The following NOL3 variants were observed in gnomAD, a reference collection of about 807,000 sequenced individuals.
NOL3 encodes nucleolar protein 3.
In NOL3, 18 loss-of-function variants were observed where a neutral mutation model predicts 19.2. The ratio of observed to expected loss-of-function variants is 0.94; its 90% CI spans 0.65 to 1.39. NOL3 has a LOEUF of 1.39. Among genes scored for constraint, NOL3 ranks in the 40% most tolerant of loss-of-function variants. NOL3 has a pLI of 0.00. For synonymous variants in NOL3, 127 were observed against 137.3 expected (o/e 0.93, Z 0.52); for missense variants, 290 against 289.5 (o/e 1.00, Z -0.01).
At position 67,174,521 on chromosome 16, in the gene NOL3, A is replaced by G. The variant is rs2032015831; in HGVS notation, c.295+57A>G. The G allele has an allele frequency of 6.8e-6, 10 of 1,466,784 alleles. No homozygotes were observed. In the South Asian group the frequency reaches 1.4e-4, roughly 21 times the overall value. 90.9% of individuals were successfully genotyped at this position (1,466,784 alleles called of 1,614,324 possible). A position where few individuals can be genotyped will look rare whatever the true frequency, so the allele number is the denominator to read the frequency against. On this transcript the variant is annotated intron_variant, in intron 2 of 3. Coordinates refer to ENST00000268605, the Ensembl canonical transcript of NOL3. ...CAGGGACGGGGCTGGGGCAGACAAA[A>G]GGCCCGGGGAGGGCAGGGTTGTCGT...
intron 1 of NOL3, chr16:67,173,840 C>G: frequency 1.3e-5 from 20 of 1,530,006 alleles, no homozygotes; most frequent in Non-Finnish European, 1.7e-5. Flanking sequence ...CTCAGGACGT[C>G]CTGGTTGGGG....
rs2031677249 is a variant in NOL3 at position 67,170,620 on chromosome 16, C to A, written c.-9+46C>A. 1 of 152,210 alleles carries A rather than the reference C, an allele frequency of 6.6e-6. No individual in the cohort carries two copies. The highest frequency in any genetic ancestry group is 1.5e-5 in the Non-Finnish European group (1 of 68,064). 9.4% of individuals were successfully genotyped at this position (152,210 alleles called of 1,614,324 possible). On this transcript the variant is annotated intron_variant, in intron 1 of 3. Transcript: ENST00000268605. This position sits in a 1 kb window ranked among gnomAD's most constrained non-coding sequence, Gnocchi z 5.7. The stretch of plus-strand genomic sequence containing the variant: ...CGGGCCAGACCGGGAGCCCCACTCC[C>A]GGCTGTGGGAGGGAAGGGAAACCGA...
At chr16:67,174,034 G>A (rs1188641598) in intron 1 of NOL3, 128 bp from the exon 2 acceptor site, 3 of 1,551,522 alleles carry the variant, frequency 1.9e-6, no homozygotes, top group East Asian at 4.9e-5. Context: ...GCCGTCCGGC[G>A]GCTGGGATCG....
chr16:67,174,718 A>G (rs748598316), exon 3 of NOL3: 8 of 1,610,852 alleles, frequency 5.0e-6, no homozygotes, highest in Non-Finnish European at 5.9e-6. Flanking sequence ...CCAGAGCTTC[A>G]GACCCTGACG....
At chr16:67,174,411 A>G in exon 2 of NOL3, 1 of 1,537,230 alleles carries the variant, frequency 6.5e-7, no homozygotes. Flanking sequence ...CGCTGTGCCC[A>G]GCGTACCGCG....
rs1344718467 is a variant in NOL3, at chr16:67,170,781, G to GC, written c.-9+207_-9+208insC. Among the ~76,000 whole-genome samples, 4 of 150,372 alleles carry GC rather than the reference G, an allele frequency of 2.7e-5. No individual in the cohort carries two copies. Among genetic ancestry groups the GC allele is most frequent in the African/African-American group, 1.0e-4 (4 of 39,724 alleles). ...CTGGGTGGAGGGAGGTAAGGGGCGG[G>GC]GGGGGAAAATCCGTGCAGTCGCACA... On this transcript the variant is annotated intron_variant, in intron 1 of 3. Transcript: ENST00000268605. The surrounding 1 kb of genome is among the most constrained non-coding windows in gnomAD (Gnocchi z 5.7).
exon 4 of NOL3, chr16:67,175,184 T>C (rs1567677930): frequency 1.3e-6 from 2 of 1,566,146 alleles, no homozygotes; most frequent in East Asian, 2.3e-5. Context: ...CTCCGGAGGG[T>C]CGGACGGGAC....
intron 1 of NOL3, 34 bp from the exon 2 acceptor site, chr16:67,174,128 C>A (rs772616245): frequency 6.2e-7 from 1 of 1,601,176 alleles, no homozygotes; most frequent in African/African-American, 1.3e-5. Flanking sequence ...GGGAGGGCAA[C>A]CCCCCATTAC....
intron 1 of NOL3, among the ~76,000 whole-genome samples, chr16:67,173,441 G>A (rs192716669): frequency 5.3e-4 from 80 of 152,298 alleles, no homozygotes; most frequent in African/African-American, 1.8e-3. Flanking sequence ...CTATGGTGGT[G>A]GTGTTGGTGG....
chr16:67,173,719 G>C, intron 1 of NOL3: 1 of 668,322 alleles, frequency 1.5e-6, no homozygotes, highest in East Asian at 2.7e-5. Context: ...TGGAGTATCA[G>C]CATCAATCCT....
chr16:67,174,774 C>G lies in NOL3; in HGVS notation c.449C>G (p.Pro150Arg), dbSNP rs528140604. 3.7e-6 allele frequency: 6 copies of G among 1,607,926 alleles called. 1 individual carries two copies. In the South Asian group the frequency reaches 6.6e-5, roughly 18 times the overall value. ...TCCGAGGCGGTGCAATCCGGGACCC[C>G]GGAGGAGCCAGAGCCAGAGCTGGAA... Residue 150 changes from proline (P) to arginine (R), a missense_variant, in exon 3 of 4, where the codon CCG becomes CGG. Physicochemically the swap from Pro to Arg is moderately radical, Grantham distance 103. Coordinates refer to ENST00000268605, the Ensembl canonical transcript of NOL3.
intron 1 of NOL3, 26 bp from the exon 2 acceptor site, chr16:67,174,136 T>C (rs761277456): frequency 5.0e-6 from 8 of 1,604,652 alleles, no homozygotes; most frequent in Non-Finnish European, 6.8e-6. Flanking sequence ...AACCCCCCAT[T>C]ACTTCTCTCC....
exon 3 of NOL3, chr16:67,174,727 C>T: frequency 6.2e-7 from 1 of 1,610,784 alleles, no homozygotes; most frequent in Admixed American, 1.7e-5. Context: ...CAGACCCTGA[C>T]GAGGCCGGGG....
At chr16:67,172,394 C>T (rs781656624) in intron 1 of NOL3, among the ~76,000 whole-genome samples, 1 of 151,912 alleles carries the variant, frequency 6.6e-6, no homozygotes, top group Non-Finnish European at 1.5e-5. Flanking sequence ...GGGTGGATCA[C>T]GAGGTCAGGA....
At chr16:67,171,684 A>T (rs1181360083) in intron 1 of NOL3, 1 of 152,186 alleles carries the variant, frequency 6.6e-6, no homozygotes, top group Non-Finnish European at 1.5e-5. Context: ...TTCCAGTTTT[A>T]CCACTGAATC....
intron 1 of NOL3, chr16:67,171,528 G>A (rs2031760105): frequency 6.6e-6 from 1 of 152,326 alleles, no homozygotes; most frequent in African/African-American, 2.4e-5. Flanking sequence ...GGTGGGAGGA[G>A]GCTAGAGTAG....
chr16:67,174,292 CG>C lies in NOL3; in HGVS notation c.126del (p.Pro43GlnfsTer181), dbSNP rs780285688. 4.0e-5 allele frequency: 65 copies of C among 1,610,754 alleles called. No individual in the cohort carries two copies. Among genetic ancestry groups the C allele is most frequent in the South Asian group, 6.6e-5 (6 of 90,644 alleles). On this transcript the variant is annotated frameshift_variant, in exon 2 of 4. Transcript: ENST00000268605. LOFTEE classifies it high-confidence loss of function. ...CGCTGCTGGCGCGGGGCGTGCTCAC[CG>C]GGCCAGAGTACGAGGCATTGGATGC...
At chr16:67,174,539 G>T in intron 2 of NOL3, 75 bp downstream of exon 2, 1 of 1,481,230 alleles carries the variant, frequency 6.8e-7, no homozygotes, top group Non-Finnish European at 8.9e-7. Context: ...GGAGGGCAGG[G>T]TTGTCGTCTC....
chr16:67,174,735 G>A, exon 3 of NOL3: 2 of 1,610,238 alleles, frequency 1.2e-6, no homozygotes, highest in Non-Finnish European at 1.7e-6. Context: ...GACGAGGCCG[G>A]GGGCCCTGAG....
Sources: allele counts gnomAD v4.1 joint callset (sites outside exome capture counted in the v4.1 genomes callset), GRCh38; gene constraint gnomAD v4.1.1; non-coding constraint Gnocchi (gnomAD v3.1); transcripts MANE v1.5; gene names NCBI Gene and HGNC (gene_info 2026-07-23, HGNC 2026-07-21).